Variants in ITGA1 observed in about 807,000 individuals in gnomAD.
The protein encoded by ITGA1 is integrin subunit alpha 1, also known as integrin alpha-1.
A neutral mutation model predicts 145.9 loss-of-function variants in ITGA1; 85 were observed. The observed-to-expected ratio is 0.58, with a 90% CI of 0.49 to 0.70. ITGA1 has a LOEUF of 0.70. ITGA1 is among the 30% of genes least tolerant of loss of function. The pLI, the probability that ITGA1 is intolerant of heterozygous loss-of-function variation, is 0.00. For synonymous variants in ITGA1, 520 were observed against 495.3 expected, an observed-to-expected ratio of 1.05 and a Z score of -0.66; for missense variants, 1,351 against 1,418.7, an observed-to-expected ratio of 0.95 and a Z score of 0.77.
At chr5:52,908,165 C>A (rs1750440627) in intron 12 of ITGA1, among the ~76,000 whole-genome samples, 1 of 152,016 alleles carries the variant, frequency 6.6e-6, no homozygotes, top group Non-Finnish European at 1.5e-5. Context: ...GCCACAGGGG[C>A]AGAAGCAAGA....
chr5:52,943,294 T>C (rs1751080908), intron 26 of ITGA1, among the ~76,000 whole-genome samples: 1 of 152,206 alleles, frequency 6.6e-6, no homozygotes, highest in African/African-American at 2.4e-5. Context: ...TTTCTCATCT[T>C]GGGGGACTGA....
intron 1 of ITGA1, among the ~76,000 whole-genome samples, chr5:52,794,781 CA>C (rs536928113): frequency 1.3e-5 from 2 of 151,910 alleles, no homozygotes; most frequent in Non-Finnish European, 2.9e-5. Context: ...AACCTTTGCA[CA>C]ATCTGAGGTT....
intron 2 of ITGA1, among the ~76,000 whole-genome samples, chr5:52,859,718 A>T (rs2111768562): frequency 6.6e-6 from 1 of 152,334 alleles, no homozygotes; most frequent in African/African-American, 2.4e-5. Flanking sequence ...CATGCCGAAC[A>T]TCCCCAACTT....
rs71614392 is a variant in ITGA1 at position 52,889,108 on chromosome 5, A to AT, written c.924+1154dup. ...CAGTTGCTGCTCTAAACTACTATCC[A>AT]TTTTTTTTTTTAAATGGAGTCTCGC... On this transcript the variant is annotated intron_variant, in intron 8 of 28. Transcript: ENST00000282588. 5.4e-3 allele frequency among the ~76,000 whole-genome samples: 604 copies of AT among 111,038 alleles called. 3 individuals are homozygous for AT. Among genetic ancestry groups the AT allele is most frequent in the African/African-American group, 0.016 (546 of 34,178 alleles). The allele number at this position is 111,038 out of a possible 152,430, so 72.8% of individuals were successfully genotyped here.
intron 1 of ITGA1, among the ~76,000 whole-genome samples, chr5:52,805,213 A>G (rs1748566968): frequency 6.6e-6 from 1 of 152,144 alleles, no homozygotes; most frequent in Non-Finnish European, 1.5e-5. Flanking sequence ...CTAATCACCT[A>G]AGAACCTCCG....
At chr5:52,825,208 G>A (rs1394152639) in intron 1 of ITGA1, 1 of 152,066 alleles carries the variant, frequency 6.6e-6, no homozygotes, top group Non-Finnish European at 1.5e-5. Context: ...ACAATAAAAA[G>A]GTATTTTGTG....
chr5:52,850,315 A>G (rs908104132), intron 2 of ITGA1, among the ~76,000 whole-genome samples: 7 of 152,138 alleles, frequency 4.6e-5, no homozygotes, highest in African/African-American at 1.7e-4. Flanking sequence ...TATGATTTTT[A>G]AAGTATATTT....
At chr5:52,795,258 G>A (rs745826742) in intron 1 of ITGA1, among the ~76,000 whole-genome samples, 1 of 151,892 alleles carries the variant, frequency 6.6e-6, no homozygotes, top group Non-Finnish European at 1.5e-5. Flanking sequence ...TGGTGGAAGA[G>A]GTAGTAGACA....
chr5:52,791,817 G>A (rs892330979), intron 1 of ITGA1, among the ~76,000 whole-genome samples: 3 of 151,968 alleles, frequency 2.0e-5, no homozygotes, highest in African/African-American at 7.3e-5. Context: ...ATATTTTAGA[G>A]ATGAGGAAAT....
Position 52,823,392 on chromosome 5 carries a change from G to T in ITGA1, c.62-25973G>T, listed in dbSNP as rs956417521. ...GCTAATTTTTGTATTTTTTAGTAGA[G>T]ATGGGGTTTTGCTCTGTTGACCAGG... is the stretch of plus-strand genomic sequence containing the variant. On this transcript the variant is annotated intron_variant, in intron 1 of 28. Transcript: ENST00000282588. 3.9e-5 allele frequency among the ~76,000 whole-genome samples: 6 copies of T among 152,144 alleles called. 1 individual carries two copies. Among genetic ancestry groups the T allele is most frequent in the Non-Finnish European group, 8.8e-5 (6 of 68,014 alleles).
At chr5:52,907,476 T>C (rs956998489) in intron 12 of ITGA1, among the ~76,000 whole-genome samples, 1 of 152,318 alleles carries the variant, frequency 6.6e-6, no homozygotes, top group South Asian at 2.1e-4. Flanking sequence ...AAAATTTGCA[T>C]ATGAAAGTTG....
intron 6 of ITGA1, among the ~76,000 whole-genome samples, chr5:52,876,001 T>G (rs1192704931): frequency 6.6e-6 from 1 of 152,162 alleles, no homozygotes; most frequent in Non-Finnish European, 1.5e-5. Flanking sequence ...AGTACTTTCA[T>G]AATCTCTTGG....
At chr5:52,811,636 G>C (rs1748685228) in intron 1 of ITGA1, among the ~76,000 whole-genome samples, 1 of 152,052 alleles carries the variant, frequency 6.6e-6, no homozygotes, top group Admixed American at 6.5e-5. Context: ...TTGAATATAG[G>C]GTGGTAGGAC....
At chr5:52,817,378 A>G (rs1340025768) in intron 1 of ITGA1, among the ~76,000 whole-genome samples, 1 of 152,132 alleles carries the variant, frequency 6.6e-6, no homozygotes, top group African/African-American at 2.4e-5. Flanking sequence ...AAAATTATGA[A>G]ATCTTTCTGT....
At chr5:52,886,159 C>G (rs922867211) in intron 7 of ITGA1, among the ~76,000 whole-genome samples, 1 of 152,072 alleles carries the variant, frequency 6.6e-6, no homozygotes, top group Admixed American at 6.5e-5. Flanking sequence ...TGTAAAGGAG[C>G]CTGACTCGGT....
intron 1 of ITGA1, among the ~76,000 whole-genome samples, chr5:52,797,597 G>A (rs1748370322): frequency 6.6e-6 from 1 of 152,084 alleles, no homozygotes; most frequent in African/African-American, 2.4e-5. Context: ...GCTGGTAAAG[G>A]TGACAGTTGA....
chr5:52,942,509 T>C (rs1751068610), intron 26 of ITGA1, among the ~76,000 whole-genome samples: 1 of 151,426 alleles, frequency 6.6e-6, no homozygotes, highest in Non-Finnish European at 1.5e-5. Flanking sequence ...ATTTCAGTGT[T>C]TTTTGTAGCT....
intron 6 of ITGA1, among the ~76,000 whole-genome samples, chr5:52,879,556 A>G (rs1320501190): frequency 6.6e-6 from 1 of 152,204 alleles, no homozygotes; most frequent in Non-Finnish European, 1.5e-5. Flanking sequence ...CAAAAACTTT[A>G]GGGTCATTGA....
chr5:52,801,125 A>G, intron 1 of ITGA1: 1 of 1,591,214 alleles, frequency 6.3e-7, no homozygotes, highest in Middle Eastern at 1.7e-4. Flanking sequence ...CTTCAGGTAA[A>G]ACAATCTTAC....
Sources: allele counts gnomAD v4.1 joint callset (sites outside exome capture counted in the v4.1 genomes callset), GRCh38; gene constraint gnomAD v4.1.1; transcripts MANE v1.5; gene names NCBI Gene and HGNC (gene_info 2026-07-23, HGNC 2026-07-21).